Variants in ATP6V1B1 observed in about 807,000 individuals in gnomAD.
ATP6V1B1 encodes the protein V-type proton ATPase subunit B, kidney isoform.
A neutral mutation model predicts 62.1 loss-of-function variants in ATP6V1B1; 41 were observed. The ratio of observed to expected loss-of-function variants is 0.66; its 90% confidence interval spans 0.51 to 0.86. The LOEUF is 0.86. Ranked by LOEUF, ATP6V1B1 falls within the 40% of genes least tolerant of loss-of-function variation. The probability of loss-of-function intolerance (pLI) is 0.00; values close to 1 mark genes in which losing one functional copy is unlikely to be tolerated. For missense variants in ATP6V1B1, 651 were observed against 697.5 expected (o/e 0.93, Z 0.75); for synonymous variants, 253 against 273.4 (o/e 0.93, Z 0.74).
At position 70,959,229 on chromosome 2, in the gene ATP6V1B1, T is replaced by C; in HGVS notation, c.445+134T>C. On this transcript the variant is annotated intron_variant, in intron 5 of 13. Coordinates refer to ENST00000234396, the MANE Select transcript of ATP6V1B1 (RefSeq NM_001692.4). This position sits in a 1 kb window ranked among gnomAD's most constrained non-coding sequence, Gnocchi z 4.2. Reference sequence around the variant, plus strand: ...GCAAAGGCCTCTCTATCCCCAAATCTTCCACTGAACCCCAACACTGCCGTC... The same window carrying C: ...GCAAAGGCCTCTCTATCCCCAAATCCTCCACTGAACCCCAACACTGCCGTC... The C allele has an allele frequency of 2.1e-6, 2 of 941,738 alleles. No individual in the cohort carries two copies. The highest frequency in any genetic ancestry group is 3.4e-6 in the Non-Finnish European group (2 of 594,734). The allele number at this position is 941,738 out of a possible 1,614,324, so 58.3% of individuals were successfully genotyped here. A position where few individuals can be genotyped will look rare whatever the true frequency, so the allele number is the denominator to read the frequency against.
chr2:70,944,924 C>G (rs376211965), intron 2 of ATP6V1B1, among the ~76,000 whole-genome samples: 1 of 152,158 alleles, frequency 6.6e-6, no homozygotes, highest in Non-Finnish European at 1.5e-5. Flanking sequence ...GCCTCGGCCT[C>G]CCAAAGTGCT....
At chr2:70,955,025 G>GTTAC (rs1421242193) in intron 2 of ATP6V1B1, among the ~76,000 whole-genome samples, 3 of 152,180 alleles carry the variant, frequency 2.0e-5, no homozygotes, top group Non-Finnish European at 4.4e-5. Context: ...TCTAGCTGTG[G>GTTAC]GTAAAGACTG....
chr2:70,943,504 A>G (rs781855064), intron 1 of ATP6V1B1, 154 bp from the exon 2 acceptor site: 7 of 806,126 alleles, frequency 8.7e-6, no homozygotes, highest in Non-Finnish European at 1.5e-5. Context: ...CCTTACAGCA[A>G]TGGTGGCTGG....
At chr2:70,936,523 A>G (rs1679857275) in intron 1 of ATP6V1B1, among the ~76,000 whole-genome samples, 1 of 151,868 alleles carries the variant, frequency 6.6e-6, no homozygotes, top group Non-Finnish European at 1.5e-5. Flanking sequence ...TCTCAGCCTG[A>G]GGAAATAGGT....
rs1558680105 is a variant in ATP6V1B1, at chr2:70,963,453, A to G, written c.1061-119A>G. On this transcript the variant is annotated intron_variant, in intron 10 of 13. Coordinates refer to ENST00000234396, the MANE Select transcript of ATP6V1B1 (RefSeq NM_001692.4). The surrounding 1 kb of genome is among the most constrained non-coding windows in gnomAD (Gnocchi z 4.3). ...CGAGATAGACACTGCCCTTTCCTCCACCATCCATGCCCCCCACACATCCCT... is the reference window on the plus strand; with the variant it reads ...CGAGATAGACACTGCCCTTTCCTCCGCCATCCATGCCCCCCACACATCCCT... 9.2e-6 allele frequency: 14 copies of G among 1,522,554 alleles called. No individual in the cohort carries two copies. Among genetic ancestry groups the G allele is most frequent in the Non-Finnish European group, 1.3e-5 (14 of 1,102,906 alleles). 94.3% of individuals were successfully genotyped at this position (1,522,554 alleles called of 1,614,324 possible).
intron 1 of ATP6V1B1, among the ~76,000 whole-genome samples, chr2:70,942,787 G>A (rs1680036041): frequency 6.6e-6 from 1 of 152,196 alleles, no homozygotes; most frequent in South Asian, 2.1e-4. Context: ...CTTGCCAAAT[G>A]CCTTCATCTC....
At chr2:70,938,415 C>T (rs1247278814) in intron 1 of ATP6V1B1, among the ~76,000 whole-genome samples, 2 of 152,222 alleles carry the variant, frequency 1.3e-5, no homozygotes, top group Non-Finnish European at 2.9e-5. Flanking sequence ...GGTCTGTAAG[C>T]ACTCCCAGAC....
chr2:70,960,296 A>T (rs1437020404), intron 6 of ATP6V1B1, among the ~76,000 whole-genome samples: 1 of 152,186 alleles, frequency 6.6e-6, no homozygotes, highest in African/African-American at 2.4e-5. Context: ...CAAATGAGGC[A>T]GCCCATGGGG....
At chr2:70,950,616 G>C (rs1231018390) in intron 2 of ATP6V1B1, among the ~76,000 whole-genome samples, 1 of 151,928 alleles carries the variant, frequency 6.6e-6, no homozygotes, top group Non-Finnish European at 1.5e-5. Context: ...AAAAAAGGAG[G>C]GGGGGAATGA....
chr2:70,963,240 G>C lies in ATP6V1B1; in HGVS notation c.988G>C (p.Glu330Gln), dbSNP rs781800676. 1.1e-5 allele frequency: 18 copies of C among 1,613,954 alleles called. No individual in the cohort carries two copies. The highest frequency in any genetic ancestry group is 1.5e-5 in the Non-Finnish European group (18 of 1,180,004). Residue 330 changes from glutamate (E) to glutamine (Q), a missense_variant, in exon 10 of 14, where the codon GAG (glutamate) becomes CAG (glutamine). Glu to Gln is a conservative substitution (Grantham distance 29). Transcript: ENST00000234396. The surrounding 1 kb of genome is among the most constrained non-coding windows in gnomAD (Gnocchi z 4.3). Reference protein sequence around the residue: ...YMYTDLATIYERAGRVEGRGG... With the variant: ...YMYTDLATIYQRAGRVEGRGG... ...GTACACAGACCTGGCCACCATCTAC[G>C]AGCGGGCGGGCCGCGTGGAGGGTCG...
intron 2 of ATP6V1B1, among the ~76,000 whole-genome samples, chr2:70,957,112 A>T (rs1572918526): frequency 8.2e-6 from 1 of 121,812 alleles, no homozygotes. Context: ...TTTTGGATGG[A>T]GTCTCACTCT....
chr2:70,937,819 C>T (rs1175165831), intron 1 of ATP6V1B1, among the ~76,000 whole-genome samples: 2 of 152,100 alleles, frequency 1.3e-5, no homozygotes, highest in East Asian at 1.9e-4. Flanking sequence ...GCAGGTTGGC[C>T]CAAGCCTGGA....
Position 70,963,777 on chromosome 2 carries a change from A to T in ATP6V1B1, c.1143+123A>T. 1 of 1,036,554 alleles carries T rather than the reference A, an allele frequency of 9.6e-7. No homozygotes were observed. The highest frequency in any genetic ancestry group is 1.5e-6 in the Non-Finnish European group (1 of 675,528). 64.2% of individuals were successfully genotyped at this position (1,036,554 alleles called of 1,614,324 possible). Reference sequence around the variant, plus strand: ...CCAAAGCGAACCCCAAACAGGAGACAGCCACAGGGAAGACTGCATGGTTCA... The same window carrying T: ...CCAAAGCGAACCCCAAACAGGAGACTGCCACAGGGAAGACTGCATGGTTCA... On this transcript the variant is annotated intron_variant, in intron 11 of 13. Coordinates refer to ENST00000234396, the MANE Select transcript of ATP6V1B1 (RefSeq NM_001692.4). The surrounding 1 kb of genome is among the most constrained non-coding windows in gnomAD (Gnocchi z 4.3).
At chr2:70,961,226 G>A (rs1430856076) in intron 7 of ATP6V1B1, among the ~76,000 whole-genome samples, 1 of 152,110 alleles carries the variant, frequency 6.6e-6, no homozygotes. Flanking sequence ...GGCCCTGGGT[G>A]GCCTGAAGGA....
In ATP6V1B1 at chr2:70,940,907, CTTTTTCTTTTTTTT is replaced by C. The variant is rs1679985821; in HGVS notation, c.119-2745_119-2732del. 1.1e-5 allele frequency: 8 copies of C among 745,902 alleles called. No homozygotes were observed. The South Asian group carries it at 1.8e-4, about 17-fold the overall frequency. The allele number at this position is 745,902 out of a possible 1,614,324, so 46.2% of individuals were successfully genotyped here. On this transcript the variant is annotated intron_variant, in intron 1 of 13. Transcript: ENST00000234396. ...TCTTCTTTTTTTCTTTTTTCTTTTT[CTTTTTCTTTTTTTT>C]TTTTTTTTTTGAGACAGGATCTTAC...
At chr2:70,945,714 A>ATATG in intron 2 of ATP6V1B1, among the ~76,000 whole-genome samples, 1 of 119,818 alleles carries the variant, frequency 8.3e-6, no homozygotes, top group Non-Finnish European at 1.6e-5. Flanking sequence ...ATATATATAT[A>ATATG]TATATATATA....
chr2:70,939,394 C>A, intron 1 of ATP6V1B1: 1 of 152,522 alleles, frequency 6.6e-6, no homozygotes, highest in Non-Finnish European at 1.5e-5. Flanking sequence ...CTGCCTGTGG[C>A]AATGCACCCG....
chr2:70,944,062 C>T, intron 2 of ATP6V1B1: 1 of 1,305,870 alleles, frequency 7.7e-7, no homozygotes, highest in African/African-American at 1.5e-5. Flanking sequence ...CACAGCACGG[C>T]TGTACCTAAC....
chr2:70,952,449 T>A (rs1285668577), intron 2 of ATP6V1B1, among the ~76,000 whole-genome samples: 1 of 149,220 alleles, frequency 6.7e-6, no homozygotes, highest in Non-Finnish European at 1.5e-5. Context: ...GGGGACAGAG[T>A]AAGACTCTGT....
Sources: gnomAD v4.1 joint callset for allele counts (sites outside exome capture counted in the v4.1 genomes callset) on GRCh38, gnomAD v4.1.1 for gene constraint, Gnocchi (gnomAD v3.1) non-coding constraint, MANE v1.5 for transcripts, NCBI Gene and HGNC (gene_info 2026-07-23, HGNC 2026-07-21) for gene names.